The following RCBTB2 variants were observed in gnomAD, a reference collection of about 807,000 sequenced individuals.
RCBTB2 encodes RCC1 and BTB domain-containing protein 2.
In RCBTB2, 55 loss-of-function variants were observed where a neutral mutation model predicts 65.4. The ratio of observed to expected loss-of-function variants is 0.84; its 90% CI spans 0.68 to 1.05. The LOEUF (loss-of-function observed/expected upper bound fraction) is 1.05. Ranked by LOEUF, RCBTB2 falls within the 50% of genes least tolerant of loss-of-function variation. The probability of loss-of-function intolerance (pLI) is 0.00; values close to 1 mark genes in which losing one functional copy is unlikely to be tolerated. For missense variants in RCBTB2, 599 were observed against 680.1 expected, an observed-to-expected ratio of 0.88 and a Z score of 1.33; for synonymous variants, 220 against 255.2, an observed-to-expected ratio of 0.86 and a Z score of 1.31.
In RCBTB2 at chr13:48,510,808, A is replaced by G. The variant is rs60410511; in HGVS notation, c.784-37T>C. 2.2e-3 allele frequency: 3,485 copies of G among 1,571,632 alleles called. 62 individuals carry two copies. The African/African-American group carries it at 0.039, about 18-fold the overall frequency. On this transcript the variant is annotated intron_variant, in intron 9 of 14. Coordinates refer to ENST00000344532, the MANE Select transcript of RCBTB2 (RefSeq NM_001268.4). ...AAAATCCACTCAGGACTGCAAATAT[A>G]AGTAATTATTTCACTGCTTCCACAA...
chr13:48,493,347 T>TCTC (rs1949827474), intron 14 of RCBTB2, among the ~76,000 whole-genome samples: 2 of 117,544 alleles, frequency 1.7e-5, no homozygotes. Flanking sequence ...TCTCTTCTCT[T>TCTC]CTCTCTCTCA....
chr13:48,527,939 C>A (rs1951897093), intron 1 of RCBTB2, among the ~76,000 whole-genome samples: 1 of 152,206 alleles, frequency 6.6e-6, no homozygotes, highest in South Asian at 2.1e-4. Flanking sequence ...GCAGTCTGTA[C>A]ATATTATTTG....
At position 48,510,709 on chromosome 13, in the gene RCBTB2, GC is replaced by G. The variant is rs1402794784; in HGVS notation, c.845del (p.Gly282AlafsTer61). The G allele has an allele frequency of 6.2e-7, 1 of 1,613,884 alleles. No homozygotes were observed. Among genetic ancestry groups the G allele is most frequent in the Non-Finnish European group, 8.5e-7 (1 of 1,179,960 alleles). ...TGCCCAACTGCCCATAAGAATTGGC[GC>G]CCCAAGCATACACTTGGCCTTCATC... ...LTDEGQVYAW[G>X]ANSYGQLGTG... On this transcript the variant is annotated frameshift_variant, in exon 10 of 15. Transcript: ENST00000344532. LOFTEE classifies it high-confidence loss of function.
At chr13:48,494,283 T>C (rs9316381) in intron 14 of RCBTB2, among the ~76,000 whole-genome samples, 33,400 of 152,202 alleles carry the variant, frequency 0.22, 3,827 homozygotes, top group South Asian at 0.27. Context: ...TTCTTGCTTA[T>C]TTGAGCCAGG....
Position 48,499,751 on chromosome 13 carries a change from A to C in RCBTB2, c.1254T>G (p.His418Gln). Residue 418 changes from histidine to glutamine, a missense_variant, in exon 13 of 15, where the codon CAT becomes CAG. His to Gln is a conservative substitution (Grantham distance 24). Transcript: ENST00000344532. ...CGTTATCTTCCAATGACGAACGAAA[A>C]TGCTCACATCTGAAGGAAAAAAGCA... ...HKVLLKIRCE[H>Q]FRSSLEDNED... The C allele has an allele frequency of 6.2e-7, 1 of 1,614,182 alleles. No individual in the cohort carries two copies. The highest frequency in any genetic ancestry group is 1.6e-4 in the Middle Eastern group (1 of 6,062).
intron 14 of RCBTB2, among the ~76,000 whole-genome samples, chr13:48,493,307 A>ACTCTCTCTCTCTCTCT (rs1483026433): frequency 4.1e-4 from 26 of 63,090 alleles, no homozygotes; most frequent in Non-Finnish European, 7.1e-4. Context: ...ACACACACAC[A>ACTCTCTCTCTCTCTCT]CACACACACT....
chr13:48,493,305 ACACACACACACT>A (rs1451147479), intron 14 of RCBTB2, among the ~76,000 whole-genome samples: 3 of 64,616 alleles, frequency 4.6e-5, no homozygotes, highest in African/African-American at 2.0e-4. Flanking sequence ...ACACACACAC[ACACACACACACT>A]CTCTCTCTCT....
At chr13:48,523,002 TTATTA>T (rs1951510440) in intron 2 of RCBTB2, among the ~76,000 whole-genome samples, 1 of 152,192 alleles carries the variant, frequency 6.6e-6, no homozygotes, top group Non-Finnish European at 1.5e-5. Context: ...TTATTCAGAA[TTATTA>T]TAACTTAAAA....
At chr13:48,497,637 G>A (rs993025495) in intron 13 of RCBTB2, among the ~76,000 whole-genome samples, 2 of 152,288 alleles carry the variant, frequency 1.3e-5, no homozygotes, top group Middle Eastern at 3.4e-3. Flanking sequence ...AACTTTTCAT[G>A]CAAGGTACTT....
chr13:48,521,866 C>T, intron 4 of RCBTB2, 32 bp downstream of exon 4: 1 of 1,601,934 alleles, frequency 6.2e-7, no homozygotes, highest in Non-Finnish European at 8.6e-7. Context: ...CAACAGAACA[C>T]ACATGCTCCA....
At chr13:48,533,689 T>C (rs1421312289), upstream of RCBTB2, among the ~76,000 whole-genome samples, 1 of 152,204 alleles carries the variant, frequency 6.6e-6, no homozygotes, top group Admixed American at 6.5e-5. Flanking sequence ...CTTATGATTA[T>C]ATTTTGCAGT....
chr13:48,509,217 C>T lies in RCBTB2; in HGVS notation c.926+1412G>A, dbSNP rs79100622. 4.6e-5 allele frequency among the ~76,000 whole-genome samples: 7 copies of T among 152,242 alleles called. No individual in the cohort carries two copies. In the East Asian group the frequency reaches 1.3e-3, roughly 29 times the overall value. On this transcript the variant is annotated intron_variant, in intron 10 of 14. Transcript: ENST00000344532. Reference sequence around the variant, plus strand: ...TGGCATGCTCCTGTAGTCCCAGCTACTCCAGAGGCTAAGGTGGGAGGATCG... The same window carrying T: ...TGGCATGCTCCTGTAGTCCCAGCTATTCCAGAGGCTAAGGTGGGAGGATCG...
intron 10 of RCBTB2, among the ~76,000 whole-genome samples, chr13:48,508,640 G>A (rs1297537376): frequency 6.6e-6 from 1 of 152,178 alleles, no homozygotes; most frequent in African/African-American, 2.4e-5. Flanking sequence ...CTGACCTCAG[G>A]TGATCCGCCC....
At chr13:48,493,305 A>ACT (rs1949799658) in intron 14 of RCBTB2, among the ~76,000 whole-genome samples, 2 of 64,616 alleles carry the variant, frequency 3.1e-5, no homozygotes, top group Non-Finnish European at 6.3e-5. Flanking sequence ...ACACACACAC[A>ACT]CACACACACA....
chr13:48,535,828 C>A, upstream of RCBTB2: 1 of 450,066 alleles, frequency 2.2e-6, no homozygotes, highest in Non-Finnish European at 4.5e-6. Context: ...ACTTCTCCAG[C>A]CATTGGCATA....
At position 48,499,759 on chromosome 13, in the gene RCBTB2, A is replaced by T. The variant is rs1412300801; in HGVS notation, c.1246T>A (p.Cys416Ser). The T allele has an allele frequency of 4.3e-6, 7 of 1,614,074 alleles. No homozygotes were observed. The highest frequency in any genetic ancestry group is 5.9e-6 in the Non-Finnish European group (7 of 1,180,008). ...YAHKVLLKIR[C>S]EHFRSSLEDN... ...TCCAATGACGAACGAAAATGCTCAC[A>T]TCTGAAGGAAAAAAGCAGTATGTCA... is the stretch of plus-strand genomic sequence containing the variant. The change falls in exon 13 of 15, where the codon TGT (cysteine) becomes AGT (serine). Residue 416 changes from cysteine (C) to serine (S), a missense_variant and splice_region_variant. Coordinates refer to ENST00000344532, the MANE Select transcript of RCBTB2 (RefSeq NM_001268.4).
intron 10 of RCBTB2, among the ~76,000 whole-genome samples, chr13:48,507,477 A>G (rs929635862): frequency 6.6e-6 from 1 of 152,108 alleles, no homozygotes; most frequent in African/African-American, 2.4e-5. Context: ...TCTTAATGGG[A>G]AAAAAAATCA....
chr13:48,505,794 G>A (rs1174902007), intron 10 of RCBTB2, among the ~76,000 whole-genome samples: 1 of 152,184 alleles, frequency 6.6e-6, no homozygotes, highest in East Asian at 1.9e-4. Flanking sequence ...CAGGATACAG[G>A]CAGCAATCCT....
chr13:48,519,451 T>C (rs893332482), intron 4 of RCBTB2, among the ~76,000 whole-genome samples: 28 of 152,226 alleles, frequency 1.8e-4, no homozygotes, highest in Admixed American at 1.1e-3. Context: ...TACATACCTG[T>C]CTACAAATGA....
Sources: allele counts gnomAD v4.1 joint callset (sites outside exome capture counted in the v4.1 genomes callset), GRCh38; gene constraint gnomAD v4.1.1; transcripts MANE v1.5; gene names NCBI Gene and HGNC (gene_info 2026-07-23, HGNC 2026-07-21).